Variants in TMEM45A observed in about 807,000 individuals in gnomAD.
TMEM45A encodes the protein DNA polymerase-transactivated protein 4.
In TMEM45A, 25 loss-of-function variants were observed where a neutral mutation model predicts 32.0. The observed-to-expected ratio is 0.78, with a 90% confidence interval of 0.57 to 1.09. The LOEUF (loss-of-function observed/expected upper bound fraction) is 1.09, where lower values mean the gene tolerates loss of function less well. TMEM45A is among the 50% of genes least tolerant of loss of function. The pLI, the probability that TMEM45A is intolerant of heterozygous loss-of-function variation, is 0.00. For synonymous variants in TMEM45A, 122 were observed against 114.8 expected, an observed-to-expected ratio of 1.06 and a Z score of -0.40; for missense variants, 302 against 325.0, an observed-to-expected ratio of 0.93 and a Z score of 0.54.
intron 4 of TMEM45A, among the ~76,000 whole-genome samples, chr3:100,560,261 C>CTCT (rs774897689): frequency 7.0e-6 from 1 of 143,630 alleles, no homozygotes; most frequent in African/African-American, 2.6e-5. Flanking sequence ...CTCTCTCTCT[C>CTCT]TTTTTTTTTT....
chr3:100,553,915 CCT>C (rs1311359464), intron 1 of TMEM45A, among the ~76,000 whole-genome samples: 2 of 152,048 alleles, frequency 1.3e-5, no homozygotes, highest in Non-Finnish European at 2.9e-5. Flanking sequence ...CAGGTTTCCC[CCT>C]GAGTTTCACA....
chr3:100,556,622 G>A (rs1329966603), intron 2 of TMEM45A, 138 bp from the exon 3 acceptor site: 2 of 835,716 alleles, frequency 2.4e-6, no homozygotes, highest in Non-Finnish European at 3.8e-6. Flanking sequence ...GTGCTCAGCT[G>A]TTAGGGAACA....
Position 100,576,936 on chromosome 3 carries a change from C to G in TMEM45A, c.746C>G (p.Ser249Cys). ...TTCTTTCTCCTCAGGTTGGTTAAAT[C>G]TAGACTTAAGAGGCTCTGCTCCTCA... Reference protein sequence around the residue: ...NYAFITWLVKSRLKRLCSSEV... With the variant: ...NYAFITWLVKCRLKRLCSSEV... The change falls in exon 6 of 6, where the codon TCT (serine) becomes TGT (cysteine). Residue 249 changes from serine to cysteine, a missense_variant. Ser to Cys is a moderately radical substitution (Grantham distance 112). Transcript: ENST00000323523. 1.2e-6 allele frequency: 2 copies of G among 1,612,778 alleles called. No individual in the cohort carries two copies. The highest frequency in any genetic ancestry group is 1.7e-6 in the Non-Finnish European group (2 of 1,179,492).
chr3:100,554,055 T>C (rs571236312), intron 1 of TMEM45A, among the ~76,000 whole-genome samples: 11 of 152,242 alleles, frequency 7.2e-5, no homozygotes, highest in Non-Finnish European at 1.5e-4. Context: ...TGAGTTTCCT[T>C]GGACCTGGCC....
At chr3:100,498,811 G>A (rs1707970585) in intron 1 of TMEM45A, among the ~76,000 whole-genome samples, 1 of 152,128 alleles carries the variant, frequency 6.6e-6, no homozygotes, top group Non-Finnish European at 1.5e-5. Context: ...TTTCACAGCA[G>A]CTGCACCATT....
At chr3:100,552,868 C>T (rs922059784) in intron 1 of TMEM45A, among the ~76,000 whole-genome samples, 1 of 152,154 alleles carries the variant, frequency 6.6e-6, no homozygotes, top group Admixed American at 6.5e-5. Context: ...GGAGTTTATT[C>T]TCTAATTGCA....
At chr3:100,501,680 T>C (rs560039611) in intron 1 of TMEM45A, among the ~76,000 whole-genome samples, 1 of 152,246 alleles carries the variant, frequency 6.6e-6, no homozygotes, top group Non-Finnish European at 1.5e-5. Flanking sequence ...TTCTCACCAA[T>C]ATTTGTAGAG....
At chr3:100,538,809 A>G (rs950176003) in intron 1 of TMEM45A, among the ~76,000 whole-genome samples, 1 of 152,108 alleles carries the variant, frequency 6.6e-6, no homozygotes, top group African/African-American at 2.4e-5. Flanking sequence ...ATATACCAAC[A>G]ATGAACAACT....
intron 1 of TMEM45A, among the ~76,000 whole-genome samples, chr3:100,552,063 G>A (rs879904736): frequency 3.3e-5 from 5 of 152,000 alleles, no homozygotes; most frequent in Non-Finnish European, 7.4e-5. Flanking sequence ...GGGAAGGCCT[G>A]GATTTTAAAA....
chr3:100,576,349 G>A (rs1706685442), intron 5 of TMEM45A, among the ~76,000 whole-genome samples: 1 of 152,188 alleles, frequency 6.6e-6, no homozygotes, highest in Non-Finnish European at 1.5e-5. Context: ...TACTCAGGAG[G>A]CTGAGGCAGA....
intron 1 of TMEM45A, among the ~76,000 whole-genome samples, chr3:100,518,774 G>T (rs1705354577): frequency 6.6e-6 from 1 of 152,194 alleles, no homozygotes; most frequent in Admixed American, 6.5e-5. Context: ...GCATGAGATG[G>T]TCGGCTTAGG....
intron 1 of TMEM45A, among the ~76,000 whole-genome samples, chr3:100,510,062 A>G (rs1708134645): frequency 6.6e-6 from 1 of 152,244 alleles, no homozygotes; most frequent in African/African-American, 2.4e-5. Flanking sequence ...GCCATTGTCC[A>G]GGCTTGCTTA....
intron 1 of TMEM45A, among the ~76,000 whole-genome samples, chr3:100,500,467 G>T (rs1707993961): frequency 6.6e-6 from 1 of 152,034 alleles, no homozygotes; most frequent in Admixed American, 6.5e-5. Flanking sequence ...GGTTACATTT[G>T]TTGAACGAGG....
intron 1 of TMEM45A, among the ~76,000 whole-genome samples, chr3:100,534,060 T>A (rs908913332): frequency 6.6e-6 from 1 of 152,184 alleles, no homozygotes; most frequent in Non-Finnish European, 1.5e-5. Context: ...ACTTTGCTCT[T>A]CTGTCTCCCA....
intron 1 of TMEM45A, chr3:100,519,330 CTG>C (rs1472477133): frequency 5.3e-6 from 3 of 564,994 alleles, no homozygotes; most frequent in African/African-American, 3.8e-5. Flanking sequence ...AGTTTTAATA[CTG>C]TGTTTGCTTA....
intron 1 of TMEM45A, among the ~76,000 whole-genome samples, chr3:100,515,465 C>A (rs1708245685): frequency 8.6e-6 from 1 of 115,808 alleles, no homozygotes; most frequent in Non-Finnish European, 1.6e-5. Flanking sequence ...ACATCACACT[C>A]TGGGGACTGT....
At chr3:100,516,170 GCT>G (rs1708258794) in intron 1 of TMEM45A, among the ~76,000 whole-genome samples, 1 of 152,144 alleles carries the variant, frequency 6.6e-6, no homozygotes, top group Non-Finnish European at 1.5e-5. Context: ...ATAGGTGAGA[GCT>G]CTCTGCTTTT....
At chr3:100,509,223 C>A (rs1350260524) in intron 1 of TMEM45A, among the ~76,000 whole-genome samples, 1 of 152,114 alleles carries the variant, frequency 6.6e-6, no homozygotes, top group Non-Finnish European at 1.5e-5. Flanking sequence ...CAAATCAAAA[C>A]CACAATGAGA....
intron 1 of TMEM45A, among the ~76,000 whole-genome samples, chr3:100,499,884 C>T (rs1385286315): frequency 6.6e-6 from 1 of 152,106 alleles, no homozygotes; most frequent in East Asian, 1.9e-4. Context: ...ACCAACCAAC[C>T]CCTACACTTT....
Sources: gnomAD v4.1 joint callset for allele counts (sites outside exome capture counted in the v4.1 genomes callset) on GRCh38, gnomAD v4.1.1 for gene constraint, MANE v1.5 for transcripts, NCBI Gene and HGNC (gene_info 2026-07-23, HGNC 2026-07-21) for gene names.